ZXDC: variants seen among roughly 807,000 people sequenced by gnomAD.
ZXDC encodes zinc finger protein ZXDC.
Under a neutral mutation model 63.6 loss-of-function variants are expected in ZXDC, and 58 were observed. The ratio of observed to expected loss-of-function variants is 0.91; its 90% confidence interval spans 0.74 to 1.13. The LOEUF (loss-of-function observed/expected upper bound fraction) is 1.13. Among genes scored for constraint, ZXDC ranks in the 50% most tolerant of loss-of-function variants. ZXDC has a pLI of 0.00. For synonymous variants in ZXDC, 561 were observed against 496.1 expected (o/e 1.13, Z -1.74); for missense variants, 1,133 against 1,148.9 (o/e 0.99, Z 0.20).
chr3:126,462,152 T>C lies in ZXDC; in HGVS notation c.1510A>G (p.Ser504Gly). The C allele has an allele frequency of 6.2e-7, 1 of 1,612,674 alleles. No individual in the cohort carries two copies. Among genetic ancestry groups the C allele is most frequent in the Admixed American group, 1.7e-5 (1 of 60,010 alleles). ...GCAAGATCCATGTTAGTGAGCTCACTTTGGCCTGGGCTGCTGAGTTCACTG... is the reference window on the plus strand; with the variant it reads ...GCAAGATCCATGTTAGTGAGCTCACCTTGGCCTGGGCTGCTGAGTTCACTG... ...PSSELSSPGQ[S>G]ELTNMDLAAL... The change falls in exon 6 of 10, where the codon AGT becomes GGT. Residue 504 changes from serine to glycine, a missense_variant. Coordinates refer to ENST00000389709, the MANE Select transcript of ZXDC (RefSeq NM_025112.5).
chr3:126,459,309 C>T (rs1316706326), intron 7 of ZXDC: 1 of 985,320 alleles, frequency 1.0e-6, no homozygotes, highest in Non-Finnish European at 1.2e-6. Flanking sequence ...CAAGATCAGG[C>T]CCCAAGGCCA....
chr3:126,462,563 T>G (rs1421884345), intron 5 of ZXDC, among the ~76,000 whole-genome samples: 5 of 152,212 alleles, frequency 3.3e-5, no homozygotes, highest in Non-Finnish European at 5.9e-5. Flanking sequence ...AGAAGCAAAG[T>G]AAGACTTGCA....
intron 1 of ZXDC, 141 bp from the exon 2 acceptor site, chr3:126,472,446 A>G: frequency 3.7e-6 from 4 of 1,077,964 alleles, no homozygotes; most frequent in Non-Finnish European, 5.1e-6. Flanking sequence ...CTAAAAAGGG[A>G]AGACCATTAA....
intron 6 of ZXDC, chr3:126,460,189 T>C (rs1001645190): frequency 1.2e-5 from 12 of 963,576 alleles, no homozygotes; most frequent in Non-Finnish European, 1.5e-5. Flanking sequence ...TGGCAGGGGC[T>C]ATACTTTGTC....
intron 4 of ZXDC, among the ~76,000 whole-genome samples, chr3:126,467,240 T>C (rs1221826141): frequency 4.6e-5 from 7 of 152,076 alleles, no homozygotes; most frequent in African/African-American, 1.7e-4. Context: ...AGCCAAGGCA[T>C]GGGGGCATGA....
intron 7 of ZXDC, chr3:126,451,650 C>G: frequency 2.0e-6 from 2 of 985,428 alleles, no homozygotes; most frequent in Non-Finnish European, 2.4e-6. Flanking sequence ...CGACCTGGCC[C>G]TCAGTCAGAT....
At chr3:126,443,803 T>A (rs940593526) in intron 7 of ZXDC, among the ~76,000 whole-genome samples, 3 of 152,216 alleles carry the variant, frequency 2.0e-5, no homozygotes, top group African/African-American at 7.2e-5. Context: ...CATTTTTGGT[T>A]TGAACTGTTA....
rs1934492575 is a variant in ZXDC, at chr3:126,460,701, G to A, written c.2127+834C>T. 4 of 985,254 alleles carry A rather than the reference G, an allele frequency of 4.1e-6. No homozygotes were observed. The South Asian group carries it at 1.9e-4, about 46-fold the overall frequency. The allele number at this position is 985,254 out of a possible 1,614,324, so 61.0% of individuals were successfully genotyped here. The stretch of plus-strand genomic sequence containing the variant: ...TCTGCCACCGACAAGCAAGACACCA[G>A]AAATGCAGAGACAGAGACTGTCCTC... On this transcript the variant is annotated intron_variant, in intron 6 of 9. Transcript: ENST00000389709.
In ZXDC at chr3:126,438,074, C is replaced by A; in HGVS notation, c.*301G>T. ...TTTCTTTGTAATGCAACAAGTGCTA[C>A]ACAGCTCAGATCCAACGGGACACGG... On this transcript the variant is annotated 3_prime_UTR_variant, in exon 10 of 10. Coordinates refer to ENST00000389709, the MANE Select transcript of ZXDC (RefSeq NM_025112.5). 1 of 462,430 alleles carries A rather than the reference C, an allele frequency of 2.2e-6. No individual in the cohort carries two copies. The highest frequency in any genetic ancestry group is 2.2e-5 in the South Asian group (1 of 45,042). 28.6% of individuals were successfully genotyped at this position (462,430 alleles called of 1,614,324 possible).
rs1422396218 is a variant in ZXDC, at chr3:126,475,792, C to G, written c.74G>C (p.Arg25Pro). The G allele has an allele frequency of 4.5e-6, 5 of 1,099,000 alleles. No individual in the cohort carries two copies. In the Admixed American group the frequency reaches 2.6e-4, roughly 57 times the overall value. The allele number at this position is 1,099,000 out of a possible 1,614,324, so 68.1% of individuals were successfully genotyped here. Residue 25 changes from arginine to proline, a missense_variant, in exon 1 of 10, where the codon CGC (arginine) becomes CCC (proline). Coordinates refer to ENST00000389709, the MANE Select transcript of ZXDC (RefSeq NM_025112.5). ...GQHGGGPGPL[R>P]RAPAPLGASP... ...CGCGCCGAGCGGCGCTGGGGCTCGG[C>G]GGAGCGGGCCGGGGCCGCCGCCATG...
chr3:126,454,906 T>C, intron 7 of ZXDC: 1 of 985,470 alleles, frequency 1.0e-6, no homozygotes, highest in Non-Finnish European at 1.2e-6. Context: ...CATTTTATTT[T>C]CTACACTCAA....
chr3:126,468,054 G>C (rs1934843109), intron 4 of ZXDC, among the ~76,000 whole-genome samples: 1 of 152,166 alleles, frequency 6.6e-6, no homozygotes, highest in Admixed American at 6.5e-5. Flanking sequence ...AATTCTGCCA[G>C]TATATTGAGA....
intron 7 of ZXDC, chr3:126,459,074 T>C: frequency 2.0e-6 from 2 of 985,414 alleles, no homozygotes; most frequent in Non-Finnish European, 2.4e-6. Context: ...AGAAAAAGAT[T>C]TAGCAGTTTC....
intron 7 of ZXDC, among the ~76,000 whole-genome samples, chr3:126,446,716 A>G (rs1933898562): frequency 6.6e-6 from 1 of 152,212 alleles, no homozygotes. Context: ...TGACATGGTT[A>G]GTTCAACACA....
Position 126,444,646 on chromosome 3 carries a change from T to C in ZXDC, c.2213-2700A>G, listed in dbSNP as rs1576662672. On this transcript the variant is annotated intron_variant, in intron 7 of 9. Transcript: ENST00000389709. ...AGCAGGCAAGATTTTAAATGATGTA[T>C]ATCAAGTATTTATTATCAAGTTTTA... Among the ~76,000 whole-genome samples, 3 of 152,256 alleles carry C rather than the reference T, an allele frequency of 2.0e-5. No individual in the cohort carries two copies. In the South Asian group the frequency reaches 6.2e-4, roughly 32 times the overall value.
At chr3:126,454,829 ACT>A (rs1934245148) in intron 7 of ZXDC, 27 of 985,294 alleles carry the variant, frequency 2.7e-5, no homozygotes, top group Non-Finnish European at 3.1e-5. Context: ...ACATTTTTAC[ACT>A]GAGAGAAAAA....
chr3:126,439,642 TAGAC>T lies in ZXDC; in HGVS notation c.2476_2479del (p.Val826ThrfsTer46). 1 of 1,553,412 alleles carries T rather than the reference TAGAC, an allele frequency of 6.4e-7. No individual in the cohort carries two copies. Among genetic ancestry groups the T allele is most frequent in the Non-Finnish European group, 8.7e-7 (1 of 1,147,802 alleles). ...GTAAGGCATCCAGACCTGGAGGACG[TAGAC>T]GGGCAGGTCCACAGTGAGGAAGGGG... On this transcript the variant is annotated frameshift_variant, in exon 9 of 10. Transcript: ENST00000389709. LOFTEE classifies it low-confidence loss of function (END_TRUNC).
At chr3:126,467,292 C>T (rs1325063758) in intron 4 of ZXDC, among the ~76,000 whole-genome samples, 1 of 149,280 alleles carries the variant, frequency 6.7e-6, no homozygotes, top group African/African-American at 2.5e-5. Flanking sequence ...TCCAGTTCAG[C>T]CTCTTACCAG....
chr3:126,466,610 G>C (rs1287216042), intron 4 of ZXDC, among the ~76,000 whole-genome samples: 2 of 152,244 alleles, frequency 1.3e-5, no homozygotes, highest in East Asian at 3.8e-4. Flanking sequence ...CCACTACATG[G>C]AGATGTTGGG....
Sources: allele counts gnomAD v4.1 joint callset (sites outside exome capture counted in the v4.1 genomes callset), GRCh38; gene constraint gnomAD v4.1.1; transcripts MANE v1.5; gene names NCBI Gene and HGNC (gene_info 2026-07-23, HGNC 2026-07-21).